HOOK3: variants seen among roughly 807,000 people sequenced by gnomAD.
HOOK3 encodes the protein hook microtubule tethering protein 3.
In HOOK3, 24 loss-of-function variants were observed where a neutral mutation model predicts 116.3. The ratio of observed to expected loss-of-function variants is 0.21; its 90% CI spans 0.15 to 0.29. HOOK3 has a LOEUF of 0.29. Among genes scored for constraint, HOOK3 ranks in the 10% least tolerant of loss-of-function variants. HOOK3 has a pLI of 1.00. For missense variants in HOOK3, 632 were observed against 830.2 expected (o/e 0.76, Z 2.93); for synonymous variants, 275 against 283.0 (o/e 0.97, Z 0.28).
intron 14 of HOOK3, among the ~76,000 whole-genome samples, chr8:42,983,382 G>C (rs772032822): frequency 1.4e-4 from 21 of 151,766 alleles, no homozygotes; most frequent in Non-Finnish European, 2.2e-4. Context: ...GAAAGGTCTG[G>C]GAAAGATAAT....
intron 4 of HOOK3, among the ~76,000 whole-genome samples, chr8:42,941,031 C>T (rs1808106365): frequency 6.6e-6 from 1 of 151,940 alleles, no homozygotes; most frequent in Admixed American, 6.5e-5. Flanking sequence ...CTGGCAACCT[C>T]CACCTCCCAG....
At chr8:42,916,758 A>G (rs1052846287) in intron 2 of HOOK3, among the ~76,000 whole-genome samples, 3 of 152,178 alleles carry the variant, frequency 2.0e-5, no homozygotes, top group Admixed American at 1.3e-4. Context: ...CTTTGTATCA[A>G]CCTACTGTCT....
chr8:43,014,232 G>A (rs1195333711), intron 21 of HOOK3, among the ~76,000 whole-genome samples: 1 of 142,080 alleles, frequency 7.0e-6, no homozygotes, highest in Non-Finnish European at 1.5e-5. Flanking sequence ...GTTGCAATGA[G>A]CCGAGATTGT....
chr8:42,919,286 G>A (rs1360630905), intron 2 of HOOK3, among the ~76,000 whole-genome samples: 5 of 148,418 alleles, frequency 3.4e-5, no homozygotes, highest in Admixed American at 6.7e-5. Context: ...AGTCAGAGAC[G>A]CTCCTCACCT....
intron 13 of HOOK3, among the ~76,000 whole-genome samples, chr8:42,978,837 C>A (rs1477446659): frequency 2.0e-5 from 3 of 152,192 alleles, no homozygotes; most frequent in East Asian, 1.9e-4. Flanking sequence ...GCATGTGCTA[C>A]CGCGCCCAGC....
intron 1 of HOOK3, among the ~76,000 whole-genome samples, chr8:42,899,004 G>T (rs78591000): frequency 6.6e-6 from 1 of 152,146 alleles, no homozygotes; most frequent in African/African-American, 2.4e-5. Context: ...GGTTGTATGG[G>T]CACTCAGAGT....
intron 15 of HOOK3, among the ~76,000 whole-genome samples, chr8:42,994,235 CA>C (rs1809222242): frequency 6.6e-6 from 1 of 152,120 alleles, no homozygotes; most frequent in South Asian, 2.1e-4. Flanking sequence ...AGGCTTGTCT[CA>C]AACTCCTAAC....
intron 2 of HOOK3, among the ~76,000 whole-genome samples, chr8:42,918,962 C>T (rs1307090762): frequency 2.0e-5 from 3 of 152,190 alleles, no homozygotes; most frequent in Non-Finnish European, 4.4e-5. Context: ...GGCGGCCGGG[C>T]AGAGGGGCTC....
intron 15 of HOOK3, 83 bp from the exon 16 acceptor site, chr8:42,997,467 A>G (rs1809300424): frequency 2.6e-6 from 2 of 784,220 alleles, no homozygotes; most frequent in South Asian, 3.5e-5. Flanking sequence ...TGCTAATTAT[A>G]CTTTCTAACT....
At chr8:42,996,138 C>T in intron 15 of HOOK3, among the ~76,000 whole-genome samples, 1 of 152,198 alleles carries the variant, frequency 6.6e-6, no homozygotes, top group South Asian at 2.1e-4. Flanking sequence ...GTAATCCCAG[C>T]ACTTTGGGAG....
At chr8:42,987,946 A>C (rs1451431104) in intron 15 of HOOK3, among the ~76,000 whole-genome samples, 1 of 151,960 alleles carries the variant, frequency 6.6e-6, no homozygotes, top group Non-Finnish European at 1.5e-5. Flanking sequence ...ATTACAGATT[A>C]TTTGTTTATT....
intron 2 of HOOK3, among the ~76,000 whole-genome samples, chr8:42,909,775 G>A (rs190675212): frequency 5.3e-4 from 81 of 152,216 alleles, no homozygotes; most frequent in Middle Eastern, 6.8e-3. Flanking sequence ...CCCCAAAGAA[G>A]GAAATTCTGT....
Position 42,966,575 on chromosome 8 carries a change from T to G in HOOK3, c.882T>G (p.Asp294Glu). The change falls in exon 10 of 22, where the codon GAT becomes GAG. Residue 294 changes from aspartate to glutamate, a missense_variant. Coordinates refer to ENST00000307602, the MANE Select transcript of HOOK3 (RefSeq NM_032410.4). ...QQNDELTTLA[D>E]EAQSLKDEID... ...ATGATGAACTGACCACTTTGGCAGA[T>G]GAAGCTCAGTCTCTGAAAGATGAGA... is the stretch of plus-strand genomic sequence containing the variant. 1 of 1,614,176 alleles carries G rather than the reference T, an allele frequency of 6.2e-7. No individual in the cohort carries two copies. Among genetic ancestry groups the G allele is most frequent in the Non-Finnish European group, 8.5e-7 (1 of 1,180,020 alleles).
In HOOK3 at chr8:42,956,223, CGTGTGTGT is replaced by C. The variant is rs61448463; in HGVS notation, c.469-836_469-829del. On this transcript the variant is annotated intron_variant, in intron 6 of 21. Transcript: ENST00000307602. ...TCTCTTTGCAACATAAGGATTAGGG[CGTGTGTGT>C]GTGTGTGTGTGTGTGTGTGTGTGTG... Among the ~76,000 whole-genome samples, 1,253 of 135,874 alleles carry C rather than the reference CGTGTGTGT, an allele frequency of 9.2e-3. 8 individuals carry two copies. Among genetic ancestry groups the C allele is most frequent in the South Asian group, 0.019 (77 of 4,024 alleles). 89.1% of individuals were successfully genotyped at this position (135,874 alleles called of 152,430 possible). A position where few individuals can be genotyped will look rare whatever the true frequency, so the allele number is the denominator to read the frequency against.
chr8:42,935,428 C>A (rs1184044964), intron 4 of HOOK3, among the ~76,000 whole-genome samples: 1 of 152,106 alleles, frequency 6.6e-6, no homozygotes, highest in Non-Finnish European at 1.5e-5. Flanking sequence ...GCTTTTGTTG[C>A]AGTTGCTTTT....
chr8:43,000,185 A>G (rs973708292), intron 16 of HOOK3: 3 of 800,968 alleles, frequency 3.7e-6, no homozygotes, highest in Admixed American at 5.0e-5. Flanking sequence ...CTGTTCATGA[A>G]TTACTAAATC....
At chr8:42,945,142 G>C (rs1808202403) in intron 5 of HOOK3, among the ~76,000 whole-genome samples, 1 of 151,976 alleles carries the variant, frequency 6.6e-6, no homozygotes, top group Admixed American at 6.6e-5. Context: ...GTAAAATAGA[G>C]ATTCATTATA....
At chr8:42,988,928 A>C (rs1022255430) in intron 15 of HOOK3, among the ~76,000 whole-genome samples, 17 of 152,184 alleles carry the variant, frequency 1.1e-4, no homozygotes, top group African/African-American at 4.1e-4. Flanking sequence ...TATTTATATT[A>C]CCTTGACTCT....
chr8:43,005,199 C>CTCTCTCTCTCTA (rs151178560), intron 17 of HOOK3, among the ~76,000 whole-genome samples: 1 of 95,236 alleles, frequency 1.1e-5, no homozygotes, highest in South Asian at 4.2e-4. Context: ...CTCTCTCTCT[C>CTCTCTCTCTCTA]TATATATATA....
Sources: gnomAD v4.1 joint callset for allele counts (sites outside exome capture counted in the v4.1 genomes callset) on GRCh38, gnomAD v4.1.1 for gene constraint, MANE v1.5 for transcripts, NCBI Gene and HGNC (gene_info 2026-07-23, HGNC 2026-07-21) for gene names.